The following MICALL1 variants were observed in gnomAD, a reference collection of about 807,000 sequenced individuals.
MICALL1 encodes the protein MICAL like 1.
Under a neutral mutation model 83.7 loss-of-function variants are expected in MICALL1, and 61 were observed. The observed-to-expected ratio is 0.73, with a 90% CI of 0.59 to 0.90. The LOEUF (loss-of-function observed/expected upper bound fraction) is 0.90. Ranked by LOEUF, MICALL1 falls within the 40% of genes least tolerant of loss-of-function variation. The probability of loss-of-function intolerance (pLI) is 0.00; values close to 1 mark genes in which losing one functional copy is unlikely to be tolerated. For synonymous variants in MICALL1, 481 were observed against 473.6 expected, an observed-to-expected ratio of 1.02 and a Z score of -0.20; for missense variants, 1,066 against 1,152.0, an observed-to-expected ratio of 0.93 and a Z score of 1.08.
At chr22:37,927,228 A>G in intron 8 of MICALL1, 183 bp from the exon 9 acceptor site, 1 of 646,664 alleles carries the variant, frequency 1.5e-6, no homozygotes, top group South Asian at 2.8e-5. Flanking sequence ...GGGTGGCTGG[A>G]TGCACCTCAT....
rs1421042746 is a variant in MICALL1 at position 37,906,576 on chromosome 22, C to A, written c.146+8C>A. 2 of 1,138,424 alleles carry A rather than the reference C, an allele frequency of 1.8e-6. No individual in the cohort carries two copies. Among genetic ancestry groups the A allele is most frequent in the Non-Finnish European group, 1.1e-6 (1 of 924,114 alleles). 70.5% of individuals were successfully genotyped at this position (1,138,424 alleles called of 1,614,324 possible). On this transcript the variant is annotated splice_region_variant and intron_variant, in intron 1 of 15. Coordinates refer to ENST00000215957, the MANE Select transcript of MICALL1 (RefSeq NM_033386.4). The surrounding 1 kb of genome is among the most constrained non-coding windows in gnomAD (Gnocchi z 4.4). Reference sequence around the variant, plus strand: ...GCACCGGCCCGACCTGCTGTGAGTGCGGGGCCCCGGGCGAGCGGGCGGCGC... The same window carrying A: ...GCACCGGCCCGACCTGCTGTGAGTGAGGGGCCCCGGGCGAGCGGGCGGCGC...
intron 5 of MICALL1, among the ~76,000 whole-genome samples, chr22:37,920,744 AC>A (rs1212989363): frequency 6.6e-6 from 1 of 151,522 alleles, no homozygotes. Flanking sequence ...ACACGGTGAA[AC>A]CCCGTCTCTA....
rs146083250 is a variant in MICALL1 at position 37,912,422 on chromosome 22, C to A, written c.267C>A (p.Ser89Arg). The change falls in exon 3 of 16, where the codon AGC becomes AGA. Residue 89 changes from serine to arginine, a missense_variant. Coordinates refer to ENST00000215957, the MANE Select transcript of MICALL1 (RefSeq NM_033386.4). ...ACCCCAATGACATGGTCTCCATGAG[C>A]GTCCCTGACTGCCTCAGCATCATGA... ...LLDPNDMVSM[S>R]VPDCLSIMTY... 2.5e-6 allele frequency: 4 copies of A among 1,613,898 alleles called. No homozygotes were observed. The African/African-American group carries it at 5.3e-5, about 22-fold the overall frequency.
intron 5 of MICALL1, among the ~76,000 whole-genome samples, chr22:37,919,537 G>A (rs1928890277): frequency 6.6e-6 from 1 of 150,652 alleles, no homozygotes; most frequent in South Asian, 2.1e-4. Flanking sequence ...TCGAGAGGCT[G>A]AGGCAGGAGA....
At chr22:37,937,330 C>CCAG (rs1241328909) in intron 14 of MICALL1, 136 bp downstream of exon 14, 6 of 677,014 alleles carry the variant, frequency 8.9e-6, no homozygotes, top group Non-Finnish European at 1.5e-5. Context: ...TGCCCTCCTA[C>CCAG]CAGCGATCCC....
At chr22:37,938,167 G>A (rs73413993) in intron 15 of MICALL1, among the ~76,000 whole-genome samples, 3,811 of 152,146 alleles carry the variant, frequency 0.025, 157 homozygotes, top group African/African-American at 0.087. Flanking sequence ...AGTGGTGCTT[G>A]AAACAGTTAA....
intron 15 of MICALL1, 38 bp downstream of exon 15, chr22:37,937,830 G>T: frequency 6.2e-7 from 1 of 1,612,016 alleles, no homozygotes; most frequent in South Asian, 1.1e-5. Context: ...GTGAGCACTT[G>T]AACTTCGGCA....
intron 8 of MICALL1, among the ~76,000 whole-genome samples, chr22:37,926,412 G>C (rs1307145721): frequency 6.6e-6 from 1 of 152,192 alleles, no homozygotes; most frequent in African/African-American, 2.4e-5. Flanking sequence ...GGAGGCGTTT[G>C]CTTGAATCCT....
rs961082010 is a variant in MICALL1, at chr22:37,930,461, G to T, written c.1882-1338G>T. Among the ~76,000 whole-genome samples the T allele has an allele frequency of 2.0e-5, 3 of 152,330 alleles. No homozygotes were observed. Among genetic ancestry groups the T allele is most frequent in the Admixed American group, 6.5e-5 (1 of 15,296 alleles). On this transcript the variant is annotated intron_variant, in intron 9 of 15. Coordinates refer to ENST00000215957, the MANE Select transcript of MICALL1 (RefSeq NM_033386.4). The surrounding 1 kb of genome is among the most constrained non-coding windows in gnomAD (Gnocchi z 4.8). ...CCCCAGAGCAGCTCCCACCCCGAGA[G>T]CCTCTCTCCCTGGGCTGGCACAGGC...
Position 37,928,466 on chromosome 22 carries a change from A to G in MICALL1, c.1881+640A>G, listed in dbSNP as rs549348997. ...CACGATCCACCCGCCTTGGCCTCCCAAAGTGCTGCAATTACAGGCGTGAGC... is the reference window on the plus strand; with the variant it reads ...CACGATCCACCCGCCTTGGCCTCCCGAAGTGCTGCAATTACAGGCGTGAGC... On this transcript the variant is annotated intron_variant, in intron 9 of 15. Coordinates refer to ENST00000215957, the MANE Select transcript of MICALL1 (RefSeq NM_033386.4). Among the ~76,000 whole-genome samples, 6 of 152,328 alleles carry G rather than the reference A, an allele frequency of 3.9e-5. No individual in the cohort carries two copies. In the East Asian group the frequency reaches 1.2e-3, roughly 29 times the overall value.
intron 13 of MICALL1, among the ~76,000 whole-genome samples, chr22:37,936,674 C>T (rs111432925): frequency 0.011 from 1,722 of 152,230 alleles, 13 homozygotes; most frequent in Non-Finnish European, 0.016. Flanking sequence ...GGGTGGATCA[C>T]GAGGTCAGGA....
At chr22:37,918,097 G>A (rs1682281011) in intron 4 of MICALL1, among the ~76,000 whole-genome samples, 1 of 152,208 alleles carries the variant, frequency 6.6e-6, no homozygotes. Flanking sequence ...CCACAATGCT[G>A]ACTTCACCAT....
intron 1 of MICALL1, among the ~76,000 whole-genome samples, chr22:37,909,893 T>C (rs1450603080): frequency 6.6e-6 from 1 of 152,202 alleles, no homozygotes; most frequent in Non-Finnish European, 1.5e-5. Context: ...GCAAGAATCA[T>C]CTCCTAAATT....
chr22:37,908,193 G>C (rs1928089322), intron 1 of MICALL1, among the ~76,000 whole-genome samples: 1 of 152,086 alleles, frequency 6.6e-6, no homozygotes, highest in Admixed American at 6.5e-5. Context: ...CTGTGAGGTG[G>C]GATTGATAAT....
Position 37,932,888 on chromosome 22 carries a change from T to C in MICALL1, c.2234T>C (p.Val745Ala), listed in dbSNP as rs148900691. 19 of 1,613,938 alleles carry C rather than the reference T, an allele frequency of 1.2e-5. No homozygotes were observed. Among genetic ancestry groups the C allele is most frequent in the Non-Finnish European group, 1.6e-5 (19 of 1,179,968 alleles). ...LVRRESELIY[V>A]FKQQNLEQRQ... ...CGGCGAGAGTCCGAGCTCATCTATG[T>C]GTGAGTCCCCCCGCCTGGGGCATCC... The change falls in exon 12 of 16, where the codon GTC becomes GCC. Residue 745 changes from valine (V) to alanine (A), a missense_variant and splice_region_variant. Physicochemically the swap from Val to Ala is moderately conservative, Grantham distance 64 (BLOSUM62 0). Transcript: ENST00000215957. The surrounding 1 kb of genome is among the most constrained non-coding windows in gnomAD (Gnocchi z 4.4).
At chr22:37,912,678 T>C (rs1928410300) in intron 3 of MICALL1, among the ~76,000 whole-genome samples, 186 bp downstream of exon 3, 1 of 152,132 alleles carries the variant, frequency 6.6e-6, no homozygotes, top group Non-Finnish European at 1.5e-5. Context: ...TCGCTCTTTT[T>C]TTTTTTGAGA....
At chr22:37,922,496 C>A in intron 6 of MICALL1, 70 bp downstream of exon 6, 1 of 1,241,914 alleles carries the variant, frequency 8.1e-7, no homozygotes. Context: ...GTCTGTGTGT[C>A]TGGGAGTGTT....
intron 5 of MICALL1, among the ~76,000 whole-genome samples, chr22:37,919,521 A>G (rs1424670028): frequency 6.6e-6 from 1 of 151,720 alleles, no homozygotes; most frequent in Middle Eastern, 3.2e-3. Flanking sequence ...CTCTAATCCC[A>G]GCTACTCGAG....
Position 37,917,876 on chromosome 22 carries a change from G to A in MICALL1, c.426+81G>A, listed in dbSNP as rs546803008. 1.6e-4 allele frequency: 195 copies of A among 1,240,104 alleles called. No homozygotes were observed. The Middle Eastern group carries it at 1.7e-3, about 11-fold the overall frequency. 76.8% of individuals were successfully genotyped at this position (1,240,104 alleles called of 1,614,324 possible). On this transcript the variant is annotated intron_variant, in intron 4 of 15. Transcript: ENST00000215957. ...GGACGACTATCATTGCAGTGACTGG[G>A]TCATGTGAGGAAGTTAGCCCTGACA... is the stretch of plus-strand genomic sequence containing the variant.
Sources: allele counts gnomAD v4.1 joint callset (sites outside exome capture counted in the v4.1 genomes callset), GRCh38; gene constraint gnomAD v4.1.1; non-coding constraint Gnocchi (gnomAD v3.1); transcripts MANE v1.5; gene names NCBI Gene and HGNC (gene_info 2026-07-23, HGNC 2026-07-21).